The following ATP9B variants were observed in gnomAD, a reference collection of about 807,000 sequenced individuals.
ATP9B encodes the protein ATPase phospholipid transporting 9B.
A neutral mutation model predicts 146.1 loss-of-function variants in ATP9B; 110 were observed. That is an observed-to-expected ratio of 0.75 (90% CI 0.65 to 0.88). The LOEUF (loss-of-function observed/expected upper bound fraction) is 0.88, where lower values mean the gene tolerates loss of function less well. Ranked by LOEUF, ATP9B falls within the 40% of genes least tolerant of loss-of-function variation. ATP9B has a pLI of 0.00. For synonymous variants in ATP9B, 604 were observed against 569.7 expected, an observed-to-expected ratio of 1.06 and a Z score of -0.86; for missense variants, 1,499 against 1,496.4, an observed-to-expected ratio of 1.00 and a Z score of -0.03.
chr18:79,259,789 T>TA, intron 12 of ATP9B, among the ~76,000 whole-genome samples: 1 of 152,240 alleles, frequency 6.6e-6, no homozygotes, highest in South Asian at 2.1e-4. Context: ...AGGAAAACTT[T>TA]TAAGAGCTTT....
At chr18:79,076,340 A>T (rs1031454871) in intron 1 of ATP9B, among the ~76,000 whole-genome samples, 9 of 152,218 alleles carry the variant, frequency 5.9e-5, no homozygotes, top group African/African-American at 2.2e-4. Context: ...GGGTAAGTCT[A>T]CTGGAAACAA....
intron 25 of ATP9B, among the ~76,000 whole-genome samples, chr18:79,356,646 A>G (rs1378751580): frequency 6.6e-6 from 1 of 152,252 alleles, no homozygotes; most frequent in African/African-American, 2.4e-5. Flanking sequence ...CCTGCTGTAC[A>G]GTTCCATTTG....
At chr18:79,260,799 T>G (rs1055628818) in intron 12 of ATP9B, among the ~76,000 whole-genome samples, 5 of 152,220 alleles carry the variant, frequency 3.3e-5, no homozygotes, top group Non-Finnish European at 2.9e-5. Flanking sequence ...GCTGCCAGCC[T>G]AAGGGCAGAG....
intron 7 of ATP9B, among the ~76,000 whole-genome samples, chr18:79,161,952 C>A (rs1188660493): frequency 6.6e-6 from 1 of 152,172 alleles, no homozygotes; most frequent in East Asian, 1.9e-4. Context: ...TGCTTTCAAT[C>A]AAGAATTCTT....
intron 13 of ATP9B, among the ~76,000 whole-genome samples, chr18:79,278,358 C>A (rs756102003): frequency 6.6e-6 from 1 of 152,154 alleles, no homozygotes; most frequent in African/African-American, 2.4e-5. Flanking sequence ...TTCCACTATC[C>A]GTGCAGCAGT....
At chr18:79,215,389 G>T (rs2095618525) in intron 11 of ATP9B, among the ~76,000 whole-genome samples, 1 of 152,092 alleles carries the variant, frequency 6.6e-6, no homozygotes, top group African/African-American at 2.4e-5. Context: ...TGCATCTCCT[G>T]TACCTGATAG....
intron 7 of ATP9B, among the ~76,000 whole-genome samples, chr18:79,154,950 A>G (rs1416003731): frequency 6.6e-6 from 1 of 152,270 alleles, no homozygotes; most frequent in African/African-American, 2.4e-5. Flanking sequence ...GCTGTGAAAT[A>G]TATTTGTTTA....
intron 8 of ATP9B, among the ~76,000 whole-genome samples, chr18:79,181,055 C>T (rs2095246793): frequency 6.6e-6 from 1 of 152,050 alleles, no homozygotes; most frequent in Non-Finnish European, 1.5e-5. Context: ...AGATGATCCG[C>T]CCACCTTGGC....
chr18:79,149,636 G>C (rs944717964), intron 6 of ATP9B, among the ~76,000 whole-genome samples: 1 of 151,782 alleles, frequency 6.6e-6, no homozygotes, highest in Non-Finnish European at 1.5e-5. Flanking sequence ...GCTACAGATG[G>C]AGAAAATATT....
chr18:79,232,746 C>T (rs900727912), intron 11 of ATP9B, among the ~76,000 whole-genome samples: 5 of 152,126 alleles, frequency 3.3e-5, no homozygotes, highest in South Asian at 4.1e-4. Flanking sequence ...AGACAACTCG[C>T]GAAAACGGAG....
intron 15 of ATP9B, among the ~76,000 whole-genome samples, chr18:79,328,589 T>C (rs1458477976): frequency 2.0e-5 from 3 of 152,220 alleles, no homozygotes; most frequent in Non-Finnish European, 4.4e-5. Context: ...ACACTTGGGC[T>C]TAGAACCCAG....
chr18:79,110,011 G>A (rs920046343), intron 2 of ATP9B, among the ~76,000 whole-genome samples: 4 of 152,134 alleles, frequency 2.6e-5, no homozygotes, highest in South Asian at 2.1e-4. Flanking sequence ...AAAGTGTATT[G>A]GGAATTACCA....
At chr18:79,128,337 C>T (rs1325003199) in intron 5 of ATP9B, among the ~76,000 whole-genome samples, 1 of 152,188 alleles carries the variant, frequency 6.6e-6, no homozygotes. Context: ...GGATTACAGG[C>T]GTGAGCCACG....
chr18:79,238,803 A>G (rs1285648050), intron 11 of ATP9B, among the ~76,000 whole-genome samples: 2 of 152,164 alleles, frequency 1.3e-5, no homozygotes, highest in African/African-American at 2.4e-5. Flanking sequence ...AACCGCTAAT[A>G]GATTTCCAAA....
At chr18:79,307,929 A>C (rs2096628171) in intron 15 of ATP9B, among the ~76,000 whole-genome samples, 1 of 152,210 alleles carries the variant, frequency 6.6e-6, no homozygotes, top group Admixed American at 6.5e-5. Flanking sequence ...TAAACCAACT[A>C]GTGTCTTCCG....
intron 20 of ATP9B, 88 bp from the exon 21 acceptor site, chr18:79,344,177 C>A: frequency 8.2e-7 from 1 of 1,219,746 alleles, no homozygotes; most frequent in Middle Eastern, 1.9e-4. Flanking sequence ...GAACATTCCA[C>A]TGTGACTCTG....
chr18:79,376,835 C>G (rs2097105995), intron 29 of ATP9B, among the ~76,000 whole-genome samples: 1 of 151,862 alleles, frequency 6.6e-6, no homozygotes, highest in Non-Finnish European at 1.5e-5. Context: ...GCTGGGATTA[C>G]AGGTGTCCAC....
In ATP9B at chr18:79,298,799, A is replaced by T. The variant is rs1014116552; in HGVS notation, c.1412-4805A>T. 8.9e-5 allele frequency among the ~76,000 whole-genome samples: 13 copies of T among 146,304 alleles called. 2 individuals carry two copies. The highest frequency in any genetic ancestry group is 3.0e-4 in the African/African-American group (12 of 39,756). On this transcript the variant is annotated intron_variant, in intron 13 of 29. Transcript: ENST00000426216. The stretch of plus-strand genomic sequence containing the variant: ...GGGAACAGAACATCAGTATGAGGAA[A>T]GATGTTCCTCCTTCTCAGGAGGCAG...
intron 12 of ATP9B, 131 bp downstream of exon 12, chr18:79,253,672 A>C (rs2096052300): frequency 6.3e-6 from 6 of 957,484 alleles, no homozygotes; most frequent in Non-Finnish European, 8.9e-6. Flanking sequence ...GTTCTGAGGA[A>C]TCTTGAGGAA....
Sources: allele counts gnomAD v4.1 joint callset (sites outside exome capture counted in the v4.1 genomes callset), GRCh38; gene constraint gnomAD v4.1.1; transcripts MANE v1.5; gene names NCBI Gene and HGNC (gene_info 2026-07-23, HGNC 2026-07-21).